SLC6A20: variants seen among roughly 807,000 people sequenced by gnomAD.
SLC6A20 encodes sodium- and chloride-dependent transporter XTRP3.
Under a neutral mutation model 64.3 loss-of-function variants are expected in SLC6A20, and 73 were observed. That is an observed-to-expected ratio of 1.14 (90% CI 0.94 to 1.38). The LOEUF (loss-of-function observed/expected upper bound fraction) is 1.38, where lower values mean the gene tolerates loss of function less well. Ranked by LOEUF, SLC6A20 falls within the 40% of genes most tolerant of loss-of-function variation. SLC6A20 has a pLI of 0.00. For synonymous variants in SLC6A20, 347 were observed against 329.6 expected (o/e 1.05, Z -0.57); for missense variants, 725 against 772.8 (o/e 0.94, Z 0.73).
chr3:45,755,502 A>ATAT lies in SLC6A20; in HGVS notation c.*3473_*3475dup, dbSNP rs1261334052. 6.6e-6 allele frequency: 1 copy of ATAT among 152,488 alleles called. No individual in the cohort carries two copies. The highest frequency in any genetic ancestry group is 2.4e-5 in the African/African-American group (1 of 41,462). The allele number at this position is 152,488 out of a possible 1,614,324, so 9.4% of individuals were successfully genotyped here. On this transcript the variant is annotated 3_prime_UTR_variant, in exon 11 of 11. Transcript: ENST00000358525. ...TACTATGACAATTGCTAAAAAACAA[A>ATAT]TATTTCCCTACTCAATTTCTTGGAG...
chr3:45,789,855 G>A (rs930848597), intron 1 of SLC6A20, among the ~76,000 whole-genome samples: 1 of 152,120 alleles, frequency 6.6e-6, no homozygotes. Flanking sequence ...GCCTCCCAAA[G>A]TGCTGGGATT....
rs373232929 is a variant in SLC6A20, at chr3:45,780,118, G to A, written c.263-18C>T. 15 of 1,570,274 alleles carry A rather than the reference G, an allele frequency of 9.6e-6. No individual in the cohort carries two copies. The highest frequency in any genetic ancestry group is 1.1e-5 in the Non-Finnish European group (13 of 1,157,274). ...GGCGACCCCTGCGAGGAAGCAGAGG[G>A]CCGCGCTGAGGACTGAGGATGGCCC... On this transcript the variant is annotated intron_variant, in intron 2 of 10. Transcript: ENST00000358525.
rs942884073 is a variant in SLC6A20, at chr3:45,765,501, T to C, written c.1303+36A>G. 6 of 1,589,676 alleles carry C rather than the reference T, an allele frequency of 3.8e-6. No individual in the cohort carries two copies. The highest frequency in any genetic ancestry group is 5.1e-6 in the Non-Finnish European group (6 of 1,168,464). On this transcript the variant is annotated intron_variant, in intron 8 of 10. Coordinates refer to ENST00000358525, the MANE Select transcript of SLC6A20 (RefSeq NM_020208.4). The surrounding 1 kb of genome is among the most constrained non-coding windows in gnomAD (Gnocchi z 4.2). ...GTTCACCCCCACGCCTTGGCCCTCC[T>C]GACCCCTGCCTCCTCCACTGGCTGG...
chr3:45,789,381 C>T (rs1433445403), intron 1 of SLC6A20, among the ~76,000 whole-genome samples: 1 of 152,104 alleles, frequency 6.6e-6, no homozygotes, highest in Non-Finnish European at 1.5e-5. Context: ...AAAATAACAG[C>T]AAACATAACC....
intron 1 of SLC6A20, among the ~76,000 whole-genome samples, chr3:45,788,629 C>CTAATAAAA (rs1700204864): frequency 6.6e-6 from 1 of 152,080 alleles, no homozygotes; most frequent in Non-Finnish European, 1.5e-5. Flanking sequence ...GTCCATGATA[C>CTAATAAAA]CTAATAACTA....
chr3:45,771,524 C>A, intron 5 of SLC6A20, 66 bp from the exon 6 acceptor site: 2 of 1,599,912 alleles, frequency 1.3e-6, no homozygotes, highest in Non-Finnish European at 1.7e-6. Flanking sequence ...AGACCCGCAA[C>A]AGGAGAGTAG....
chr3:45,777,603 G>A (rs1388486184), intron 3 of SLC6A20, among the ~76,000 whole-genome samples: 1 of 152,216 alleles, frequency 6.6e-6, no homozygotes, highest in Non-Finnish European at 1.5e-5. Context: ...GACCAGCTGT[G>A]GGACATCCAG....
intron 1 of SLC6A20, among the ~76,000 whole-genome samples, chr3:45,789,950 A>C (rs12488144): frequency 0.12 from 18,703 of 152,126 alleles, 1,284 homozygotes; most frequent in Non-Finnish European, 0.16. Context: ...AACTCACACC[A>C]TATGTTATTC....
chr3:45,783,008 G>T (rs1700122644), intron 1 of SLC6A20, among the ~76,000 whole-genome samples: 1 of 152,226 alleles, frequency 6.6e-6, no homozygotes, highest in African/African-American at 2.4e-5. Context: ...CATGCATTCA[G>T]CTGTCCACCT....
At chr3:45,793,580 G>C (rs1700294109) in intron 1 of SLC6A20, among the ~76,000 whole-genome samples, 2 of 152,098 alleles carry the variant, frequency 1.3e-5, no homozygotes, top group Admixed American at 1.3e-4. Flanking sequence ...CCTCATGCCG[G>C]GCCGGGCCTG....
At chr3:45,780,252 G>A in intron 2 of SLC6A20, 152 bp from the exon 3 acceptor site, 1 of 627,564 alleles carries the variant, frequency 1.6e-6, no homozygotes, top group Non-Finnish European at 2.8e-6. Context: ...TATTAAGCGA[G>A]ACCAGGCACC....
chr3:45,771,127 C>T, intron 6 of SLC6A20, 90 bp downstream of exon 6: 1 of 1,567,582 alleles, frequency 6.4e-7, no homozygotes, highest in East Asian at 2.3e-5. Flanking sequence ...GACTCCAAAA[C>T]TGGTGCACTT....
intron 1 of SLC6A20, among the ~76,000 whole-genome samples, chr3:45,791,245 T>C (rs1700245016): frequency 6.6e-6 from 1 of 152,192 alleles, no homozygotes; most frequent in Non-Finnish European, 1.5e-5. Context: ...TTAAATTGCC[T>C]AGAAGGTTTA....
chr3:45,765,633 C>T lies in SLC6A20; in HGVS notation c.1207G>A (p.Gly403Ser). ...VLYFFMLLML[G>S]IGSMLGNTAA... ...GTGTTCCCCAGCATGCTCCCAATGC[C>T]CAGCATCAGCAGCATGAAGAAGTAG... Residue 403 changes from glycine to serine, a missense_variant, in exon 8 of 11, where the codon GGC becomes AGC. By Grantham distance (56) the Gly-to-Ser change is moderately conservative. Coordinates refer to ENST00000358525, the MANE Select transcript of SLC6A20 (RefSeq NM_020208.4). The surrounding 1 kb of genome is among the most constrained non-coding windows in gnomAD (Gnocchi z 4.2). The T allele has an allele frequency of 6.2e-7, 1 of 1,614,154 alleles. No individual in the cohort carries two copies. Among genetic ancestry groups the T allele is most frequent in the Non-Finnish European group, 8.5e-7 (1 of 1,180,020 alleles).
At chr3:45,781,222 A>G (rs919597134) in intron 2 of SLC6A20, among the ~76,000 whole-genome samples, 42 of 148,366 alleles carry the variant, frequency 2.8e-4, no homozygotes, top group Admixed American at 9.4e-4. Flanking sequence ...CTCCGCCTCA[A>G]AAAAAAAAAA....
rs1460093103 is a variant in SLC6A20 at position 45,759,057 on chromosome 3, G to A, written c.1700C>T (p.Thr567Ile). The A allele has an allele frequency of 6.8e-6, 11 of 1,612,946 alleles. No homozygotes were observed. Among genetic ancestry groups the A allele is most frequent in the African/African-American group, 5.3e-5 (4 of 74,850 alleles). Residue 567 changes from threonine (T) to isoleucine (I), a missense_variant, in exon 11 of 11, where the codon ACC becomes ATC. Thr to Ile is a moderately conservative substitution (Grantham distance 89, BLOSUM62 -1). Coordinates refer to ENST00000358525, the MANE Select transcript of SLC6A20 (RefSeq NM_020208.4). ...AVIGLLVASS[T>I]MCIPLAALGT... ...CAGGGCCGCCAGGGGGATGCACATGGTGGAGGAGGCCACAAGCAGCCCGAT... is the reference window on the plus strand; with the variant it reads ...CAGGGCCGCCAGGGGGATGCACATGATGGAGGAGGCCACAAGCAGCCCGAT...
Position 45,796,357 on chromosome 3 carries a change from G to T in SLC6A20, c.63C>A (p.Tyr21Ter). The change falls in exon 1 of 11, where the codon TAC (tyrosine) becomes TAA (stop). Residue 21 changes from tyrosine (Y) to a stop codon, truncating the protein, a stop_gained. Coordinates refer to ENST00000358525, the MANE Select transcript of SLC6A20 (RefSeq NM_020208.4). LOFTEE classifies it high-confidence loss of function. Reference sequence around the variant, plus strand: ...GCCACACGTTGCCCAGGCCCACGGCGTACGAGATGCAGGCGAACACGAACT... The same window carrying T: ...GCCACACGTTGCCCAGGCCCACGGCTTACGAGATGCAGGCGAACACGAACT... ...SLQFVFACIS[Y>*]AVGLGNVWRF... 11 of 1,610,558 alleles carry T rather than the reference G, an allele frequency of 6.8e-6. No homozygotes were observed. Among genetic ancestry groups the T allele is most frequent in the Non-Finnish European group, 8.5e-6 (10 of 1,178,914 alleles).
chr3:45,760,249 G>A (rs927074289), intron 9 of SLC6A20, among the ~76,000 whole-genome samples: 3 of 152,196 alleles, frequency 2.0e-5, no homozygotes, highest in African/African-American at 4.8e-5. Flanking sequence ...CAAGCAACCC[G>A]CAGAGAGTGG....
chr3:45,760,517 G>A (rs1327673840), intron 9 of SLC6A20, among the ~76,000 whole-genome samples: 5 of 151,442 alleles, frequency 3.3e-5, no homozygotes, highest in African/African-American at 1.2e-4. Flanking sequence ...CAGGTTTTCT[G>A]GGACAGAGGA....
Sources: allele counts gnomAD v4.1 joint callset (sites outside exome capture counted in the v4.1 genomes callset), GRCh38; gene constraint gnomAD v4.1.1; non-coding constraint Gnocchi (gnomAD v3.1); transcripts MANE v1.5; gene names NCBI Gene and HGNC (gene_info 2026-07-23, HGNC 2026-07-21).